The following PRKCE variants were observed in gnomAD, a reference collection of about 807,000 sequenced individuals.
PRKCE encodes protein kinase C epsilon type.
In PRKCE, 16 loss-of-function variants were observed where a neutral mutation model predicts 85.4. That is an observed-to-expected ratio of 0.19 (90% confidence interval 0.13 to 0.28). The LOEUF (loss-of-function observed/expected upper bound fraction) is 0.28. Among genes scored for constraint, PRKCE ranks in the 10% least tolerant of loss-of-function variants. The pLI is 1.00. For missense variants in PRKCE, 573 were observed against 975.2 expected, an observed-to-expected ratio of 0.59 and a Z score of 5.49; for synonymous variants, 388 against 371.5, an observed-to-expected ratio of 1.04 and a Z score of -0.51.
chr2:46,100,591 G>T (rs3754570), intron 11 of PRKCE, among the ~76,000 whole-genome samples: 40,582 of 152,040 alleles, frequency 0.27, 5,597 homozygotes, highest in South Asian at 0.41. Context: ...GTCCCCTCCC[G>T]TGTTGGAAAT....
At chr2:46,090,059 G>T (rs796910919) in intron 11 of PRKCE, among the ~76,000 whole-genome samples, 13 of 152,288 alleles carry the variant, frequency 8.5e-5, no homozygotes, top group African/African-American at 3.1e-4. Context: ...GGGGATGGGT[G>T]AAAACAGAAT....
chr2:45,736,443 T>A (rs1364791071), intron 1 of PRKCE, among the ~76,000 whole-genome samples: 2 of 152,186 alleles, frequency 1.3e-5, no homozygotes, highest in East Asian at 3.8e-4. Flanking sequence ...TCTTCACTAC[T>A]GTTGTGTGCC....
At chr2:45,976,735 G>C (rs921301379) in intron 3 of PRKCE, 147 bp downstream of exon 3, 1 of 1,018,132 alleles carries the variant, frequency 9.8e-7, no homozygotes, top group Non-Finnish European at 1.4e-6. Flanking sequence ...ATTATGGAAG[G>C]CTAAGTGTGT....
At chr2:46,032,826 G>A (rs1448637091) in intron 10 of PRKCE, among the ~76,000 whole-genome samples, 1 of 152,132 alleles carries the variant, frequency 6.6e-6, no homozygotes, top group African/African-American at 2.4e-5. Flanking sequence ...TGTGCTTTTG[G>A]GATATCGAAA....
chr2:45,672,771 A>G (rs1408881391), intron 1 of PRKCE, among the ~76,000 whole-genome samples: 1 of 152,174 alleles, frequency 6.6e-6, no homozygotes, highest in Non-Finnish European at 1.5e-5. Context: ...CACGCCTGTA[A>G]TCCCAGCACT....
chr2:45,662,246 T>C (rs1466001631), intron 1 of PRKCE, among the ~76,000 whole-genome samples: 3 of 152,228 alleles, frequency 2.0e-5, no homozygotes, highest in African/African-American at 7.2e-5. Flanking sequence ...ATATGCCAGG[T>C]GCTATGCCCA....
chr2:46,105,129 G>A (rs1397917255), intron 11 of PRKCE, among the ~76,000 whole-genome samples: 1 of 151,804 alleles, frequency 6.6e-6, no homozygotes, highest in African/African-American at 2.4e-5. Flanking sequence ...TTTGTCCGCT[G>A]CTTCTTGGTA....
chr2:45,924,584 A>G (rs1443254151), intron 2 of PRKCE, among the ~76,000 whole-genome samples: 1 of 152,234 alleles, frequency 6.6e-6, no homozygotes, highest in Non-Finnish European at 1.5e-5. Context: ...TCACCAGGAA[A>G]AATGACAGGA....
chr2:46,108,002 C>T (rs192776616), intron 11 of PRKCE, among the ~76,000 whole-genome samples: 17 of 152,318 alleles, frequency 1.1e-4, no homozygotes, highest in Non-Finnish European at 1.5e-5. Flanking sequence ...GATCCTAGCT[C>T]GCTTAACCTT....
intron 10 of PRKCE, among the ~76,000 whole-genome samples, chr2:46,079,873 G>A (rs187720215): frequency 6.6e-6 from 1 of 152,308 alleles, no homozygotes; most frequent in East Asian, 1.9e-4. Flanking sequence ...TCAAACACAC[G>A]ATGTGGTTCT....
intron 2 of PRKCE, among the ~76,000 whole-genome samples, chr2:45,884,486 T>C (rs1440734204): frequency 2.0e-5 from 3 of 152,068 alleles, no homozygotes; most frequent in East Asian, 3.9e-4. Flanking sequence ...ATCTCTAAAG[T>C]CTCCATTTCT....
At chr2:45,677,187 C>G (rs942753936) in intron 1 of PRKCE, 1 of 152,184 alleles carries the variant, frequency 6.6e-6, no homozygotes, top group African/African-American at 2.4e-5. Context: ...ATTGATCTTC[C>G]TCCCTCTCCT....
chr2:45,666,654 C>T (rs1182294907), intron 1 of PRKCE, among the ~76,000 whole-genome samples: 1 of 151,992 alleles, frequency 6.6e-6, no homozygotes, highest in East Asian at 1.9e-4. Flanking sequence ...TCTTTTGGCT[C>T]TTGGAATTGC....
intron 2 of PRKCE, among the ~76,000 whole-genome samples, chr2:45,866,433 G>C (rs1036271401): frequency 5.9e-5 from 9 of 152,024 alleles, no homozygotes; most frequent in African/African-American, 1.9e-4. Context: ...TCAGCCTCCC[G>C]AGTAGCTGGG....
intron 6 of PRKCE, among the ~76,000 whole-genome samples, chr2:45,993,103 C>A (rs887819089): frequency 2.9e-4 from 43 of 150,098 alleles, no homozygotes; most frequent in Non-Finnish European, 5.5e-4. Flanking sequence ...AGTGGATTGG[C>A]AGCAGGGGCT....
At chr2:45,744,407 CTTTT>C (rs1682856974) in intron 1 of PRKCE, among the ~76,000 whole-genome samples, 1 of 150,930 alleles carries the variant, frequency 6.6e-6, no homozygotes, top group South Asian at 2.1e-4. Flanking sequence ...TTCTCTCTTT[CTTTT>C]CTTTTCTTTC....
chr2:45,968,248 T>TACAC lies in PRKCE; in HGVS notation c.413-8164_413-8161dup, dbSNP rs35474852. ...GTCAATGAGTGGATAAAGAAAATAT[T>TACAC]ACACACACACACACACACACCATGG... On this transcript the variant is annotated intron_variant, in intron 2 of 14. Transcript: ENST00000306156. Among the ~76,000 whole-genome samples, 1,048 of 151,232 alleles carry TACAC rather than the reference T, an allele frequency of 6.9e-3. 6 individuals carry two copies. Among genetic ancestry groups the TACAC allele is most frequent in the Non-Finnish European group, 0.012 (793 of 67,774 alleles).
intron 11 of PRKCE, among the ~76,000 whole-genome samples, chr2:46,115,612 A>G (rs1226241405): frequency 6.6e-6 from 1 of 152,236 alleles, no homozygotes; most frequent in African/African-American, 2.4e-5. Context: ...TGCATGCAGC[A>G]GGCCAGATTT....
rs1256556901 is a variant in PRKCE, at chr2:46,159,614, G to A, written c.1929G>A (p.Thr643=). 39 of 1,594,002 alleles carry A rather than the reference G, an allele frequency of 2.4e-5. No homozygotes were observed. The highest frequency in any genetic ancestry group is 3.3e-5 in the Non-Finnish European group (39 of 1,177,328). The change falls in exon 14 of 15, where the codon ACG becomes ACA. Residue 643 remains threonine (T), a synonymous_variant. Coordinates refer to ENST00000306156, the MANE Select transcript of PRKCE (RefSeq NM_005400.3). The surrounding 1 kb of genome is among the most constrained non-coding windows in gnomAD (Gnocchi z 4.1). ...EAVSILKAFM[T]KNPHKRLGCV... is the part of the protein sequence containing the mutation. ...TGTCCTCATCCCTGCAGTTCATGACGAAGAATCCCCACAAGCGCCTGGGCT... is the reference window on the plus strand; with the variant it reads ...TGTCCTCATCCCTGCAGTTCATGACAAAGAATCCCCACAAGCGCCTGGGCT...
Sources: gnomAD v4.1 joint callset for allele counts (sites outside exome capture counted in the v4.1 genomes callset) on GRCh38, gnomAD v4.1.1 for gene constraint, Gnocchi (gnomAD v3.1) non-coding constraint, MANE v1.5 for transcripts, NCBI Gene and HGNC (gene_info 2026-07-23, HGNC 2026-07-21) for gene names.